Variants in CYP19A1 observed in about 807,000 individuals in gnomAD.
The protein encoded by CYP19A1 is aromatase.
CYP19A1 carries 32 observed loss-of-function variants against 44.4 expected under a neutral mutation model. That is an observed-to-expected ratio of 0.72 (90% CI 0.54 to 0.97). The LOEUF (loss-of-function observed/expected upper bound fraction) is 0.97. Ranked by LOEUF, CYP19A1 falls within the 50% of genes least tolerant of loss-of-function variation. The pLI is 0.00. For synonymous variants in CYP19A1, 212 were observed against 215.6 expected, an observed-to-expected ratio of 0.98 and a Z score of 0.14; for missense variants, 598 against 637.8, an observed-to-expected ratio of 0.94 and a Z score of 0.67.
At chr15:51,301,022 C>A (rs2036101256) in intron 1 of CYP19A1, among the ~76,000 whole-genome samples, 1 of 152,132 alleles carries the variant, frequency 6.6e-6, no homozygotes, top group African/African-American at 2.4e-5. Context: ...ACAATGGAAC[C>A]AGTTCACAGG....
intron 1 of CYP19A1, among the ~76,000 whole-genome samples, chr15:51,326,478 G>A (rs1374284320): frequency 6.6e-6 from 1 of 152,222 alleles, no homozygotes; most frequent in Non-Finnish European, 1.5e-5. Flanking sequence ...AGTTGAGAAT[G>A]TGGCTCAACT....
chr15:51,252,895 TGAAAAGAGAGGAGAAAGTGACTACCCTAG>T (rs1413417489), intron 1 of CYP19A1, among the ~76,000 whole-genome samples: 2 of 152,082 alleles, frequency 1.3e-5, no homozygotes, highest in Non-Finnish European at 2.9e-5. Flanking sequence ...TAAACAGCTA[TGAAAAGAGAGGAGAAAGTGACTACCCTAG>T]GAAGGTCACC....
At chr15:51,219,441 G>T (rs1366035214) in intron 5 of CYP19A1, among the ~76,000 whole-genome samples, 2 of 152,216 alleles carry the variant, frequency 1.3e-5, no homozygotes, top group Admixed American at 6.5e-5. Flanking sequence ...CTTTGTGAAA[G>T]AGATTTTTAA....
chr15:51,243,007 G>T, intron 1 of CYP19A1, 57 bp from the exon 2 acceptor site: 1 of 854,484 alleles, frequency 1.2e-6, no homozygotes, highest in Non-Finnish European at 2.0e-6. Flanking sequence ...TTCATCTATA[G>T]CTCCTGTTGC....
chr15:51,246,767 C>T (rs34780750), intron 1 of CYP19A1, among the ~76,000 whole-genome samples: 1 of 152,210 alleles, frequency 6.6e-6, no homozygotes. Flanking sequence ...CCAGACCCTG[C>T]TAAATCCTTT....
intron 1 of CYP19A1, among the ~76,000 whole-genome samples, chr15:51,286,319 C>T (rs1402656022): frequency 2.6e-5 from 4 of 152,214 alleles, no homozygotes; most frequent in African/African-American, 9.6e-5. Context: ...CCTCTCCACA[C>T]ATCATAGCTC....
chr15:51,212,525 A>G lies in CYP19A1; in HGVS notation c.1058T>C (p.Leu353Ser). 1 of 1,519,660 alleles carries G rather than the reference A, an allele frequency of 6.6e-7. No individual in the cohort carries two copies. The highest frequency in any genetic ancestry group is 9.1e-7 in the Non-Finnish European group (1 of 1,093,814). The allele number at this position is 1,519,660 out of a possible 1,614,324, so 94.1% of individuals were successfully genotyped here. A position where few individuals can be genotyped will look rare whatever the true frequency, so the allele number is the denominator to read the frequency against. ...RDIKIDDIQK[L>S]KVMENFIYES... ...ATAAATGAAGTTTTCCATCACTTTT[A>G]ATTTTTGTATATCATCAATCTTTAT... The change falls in exon 9 of 10, where the codon TTA (leucine) becomes TCA (serine). Residue 353 changes from leucine to serine, a missense_variant. Physicochemically the swap from Leu to Ser is moderately radical, Grantham distance 145. Coordinates refer to ENST00000396402, the MANE Select transcript of CYP19A1 (RefSeq NM_000103.4).
At chr15:51,332,668 G>T (rs1230337437) in intron 1 of CYP19A1, among the ~76,000 whole-genome samples, 1 of 152,172 alleles carries the variant, frequency 6.6e-6, no homozygotes, top group Non-Finnish European at 1.5e-5. Context: ...ATGGGTGACA[G>T]GTCTTTTCCT....
intron 1 of CYP19A1, among the ~76,000 whole-genome samples, chr15:51,304,271 CAA>C (rs1322066499): frequency 1.3e-5 from 2 of 152,174 alleles, no homozygotes; most frequent in Non-Finnish European, 2.9e-5. Context: ...TAAATTTGCA[CAA>C]GTGATACCCC....
At chr15:51,220,150 C>G (rs192620624) in intron 5 of CYP19A1, among the ~76,000 whole-genome samples, 6 of 152,292 alleles carry the variant, frequency 3.9e-5, no homozygotes, top group African/African-American at 1.4e-4. Context: ...AGTGTTCTTC[C>G]CTCATATCTG....
At chr15:51,219,529 C>T (rs375670139) in intron 5 of CYP19A1, among the ~76,000 whole-genome samples, 1 of 152,138 alleles carries the variant, frequency 6.6e-6, no homozygotes, top group African/African-American at 2.4e-5. Context: ...CATAGAAATT[C>T]GGAAGCTTGC....
intron 1 of CYP19A1, among the ~76,000 whole-genome samples, chr15:51,275,205 G>A (rs112190430): frequency 2.6e-4 from 40 of 152,318 alleles, no homozygotes; most frequent in African/African-American, 9.1e-4. Context: ...GTGCATCATG[G>A]CAAGAAATGG....
At chr15:51,328,547 GGTGTGTGTGTGTGT>G (rs56202041) in intron 1 of CYP19A1, among the ~76,000 whole-genome samples, 55 of 147,422 alleles carry the variant, frequency 3.7e-4, no homozygotes, top group Admixed American at 1.4e-3. Flanking sequence ...ACAGGGCAGG[GGTGTGTGTGTGTGT>G]GTGTGTGTGT....
At chr15:51,282,674 C>G (rs1203524964) in intron 1 of CYP19A1, among the ~76,000 whole-genome samples, 1 of 152,186 alleles carries the variant, frequency 6.6e-6, no homozygotes, top group Non-Finnish European at 1.5e-5. Flanking sequence ...GGTGTTGGAT[C>G]TGATCACCCC....
chr15:51,221,395 C>G (rs886227643), intron 5 of CYP19A1: 3 of 152,092 alleles, frequency 2.0e-5, no homozygotes, highest in African/African-American at 4.8e-5. Context: ...AGAAAGAATG[C>G]CAATTCTTTT....
At chr15:51,223,968 C>T (rs1319203154) in intron 4 of CYP19A1, among the ~76,000 whole-genome samples, 7 of 151,868 alleles carry the variant, frequency 4.6e-5, no homozygotes, top group Admixed American at 2.0e-4. Flanking sequence ...AATTTATGGG[C>T]AAAAATGTAA....
At chr15:51,335,433 C>T (rs755055716) in intron 1 of CYP19A1, among the ~76,000 whole-genome samples, 9 of 152,182 alleles carry the variant, frequency 5.9e-5, no homozygotes, top group Non-Finnish European at 1.2e-4. Context: ...TACCTGGAAG[C>T]ACCAAAGGCT....
chr15:51,300,540 G>A (rs1042205142), intron 1 of CYP19A1, among the ~76,000 whole-genome samples: 2 of 152,170 alleles, frequency 1.3e-5, no homozygotes, highest in Non-Finnish European at 2.9e-5. Flanking sequence ...TGTCAAGGCA[G>A]AGAGTTTCAA....
intron 1 of CYP19A1, among the ~76,000 whole-genome samples, chr15:51,331,180 T>C (rs2036695091): frequency 6.6e-6 from 1 of 152,126 alleles, no homozygotes; most frequent in South Asian, 2.1e-4. Flanking sequence ...AAAGCTGACA[T>C]TGGAAATGGT....
Sources: gnomAD v4.1 joint callset for allele counts (sites outside exome capture counted in the v4.1 genomes callset) on GRCh38, gnomAD v4.1.1 for gene constraint, MANE v1.5 for transcripts, NCBI Gene and HGNC (gene_info 2026-07-23, HGNC 2026-07-21) for gene names.